HIVEP3: variants seen among roughly 807,000 people sequenced by gnomAD.
HIVEP3 encodes the protein HIVEP zinc finger 3, also known as transcription factor HIVEP3.
HIVEP3 carries 49 observed loss-of-function variants against 152.8 expected under a neutral mutation model. That is an observed-to-expected ratio of 0.32 (90% CI 0.26 to 0.41). The LOEUF (loss-of-function observed/expected upper bound fraction) is 0.41. Among genes scored for constraint, HIVEP3 ranks in the 10% least tolerant of loss-of-function variants. HIVEP3 has a pLI of 1.00. For missense variants in HIVEP3, 2,790 were observed against 3,103.3 expected (o/e 0.90, Z 2.40); for synonymous variants, 1,269 against 1,289.0 (o/e 0.98, Z 0.33).
intron 1 of HIVEP3, among the ~76,000 whole-genome samples, chr1:41,944,553 AC>A (rs1456301793): frequency 1.3e-5 from 2 of 152,144 alleles, no homozygotes; most frequent in East Asian, 1.9e-4. Context: ...ATACTCAGGA[AC>A]CCAGCCCAGC....
chr1:41,736,411 C>T (rs889671173), intron 1 of HIVEP3, among the ~76,000 whole-genome samples: 8 of 152,140 alleles, frequency 5.3e-5, no homozygotes, highest in African/African-American at 1.9e-4. Flanking sequence ...AAGGGTGGGT[C>T]CTGGGGCCCT....
chr1:41,513,902 G>A (rs558589361), intron 7 of HIVEP3, 152 bp from the exon 8 acceptor site: 44 of 585,990 alleles, frequency 7.5e-5, no homozygotes, highest in Non-Finnish European at 1.1e-4. Context: ...ACCAAGAAAC[G>A]TAACAGATAT....
intron 1 of HIVEP3, among the ~76,000 whole-genome samples, chr1:41,906,037 C>T (rs1200532391): frequency 1.3e-5 from 2 of 152,100 alleles, no homozygotes; most frequent in Non-Finnish European, 2.9e-5. Context: ...TGGCCAGGCG[C>T]GGTGGCTCAC....
At chr1:41,824,820 AAGAG>A (rs1209141189) in intron 1 of HIVEP3, among the ~76,000 whole-genome samples, 8 of 9,732 alleles carry the variant, frequency 8.2e-4, no homozygotes, top group Non-Finnish European at 6.5e-4. Flanking sequence ...GAGAGAGAGA[AAGAG>A]AGAGAGAGAG....
At chr1:41,871,407 T>TA (rs5773753) in intron 1 of HIVEP3, among the ~76,000 whole-genome samples, 116 of 148,068 alleles carry the variant, frequency 7.8e-4, no homozygotes, top group African/African-American at 1.9e-3. Flanking sequence ...CATTTAAAGC[T>TA]AAAAAAAAAA....
intron 2 of HIVEP3, among the ~76,000 whole-genome samples, chr1:41,644,693 C>CTTTTTTTTTTT (rs60511656): frequency 6.7e-5 from 5 of 74,726 alleles, no homozygotes; most frequent in Non-Finnish European, 9.7e-5. Flanking sequence ...CATATCTGTT[C>CTTTTTTTTTTT]TTTTTTTTTT....
At chr1:41,717,391 A>T (rs1646611291) in intron 1 of HIVEP3, among the ~76,000 whole-genome samples, 1 of 152,270 alleles carries the variant, frequency 6.6e-6, no homozygotes, top group South Asian at 2.1e-4. Context: ...TCAAACAAAG[A>T]AATGTTGTCA....
intron 5 of HIVEP3, among the ~76,000 whole-genome samples, chr1:41,527,458 CT>C (rs1267359719): frequency 8.4e-6 from 1 of 119,218 alleles, no homozygotes; most frequent in African/African-American, 3.2e-5. Flanking sequence ...CCTCACACCC[CT>C]GTCCTCACAC....
At position 41,889,723 on chromosome 1, in the gene HIVEP3, C is replaced by T. The variant is rs868546397; in HGVS notation, c.-801+28690G>A. Among the ~76,000 whole-genome samples the T allele has an allele frequency of 2.0e-5, 3 of 152,106 alleles. No homozygotes were observed. In the South Asian group the frequency reaches 6.2e-4, roughly 32 times the overall value. On this transcript the variant is annotated intron_variant, in intron 1 of 8. Transcript: ENST00000372583. ...GTGGGGAATGAGGGCACCCATTGTC[C>T]CCTGCAGAGCAGTTGTGGATGGAGC...
intron 1 of HIVEP3, among the ~76,000 whole-genome samples, chr1:41,771,289 C>A (rs12134879): frequency 4.6e-5 from 7 of 151,930 alleles, no homozygotes; most frequent in Non-Finnish European, 2.9e-5. Flanking sequence ...CACCTCCCCC[C>A]ACCCCCAAAA....
intron 1 of HIVEP3, among the ~76,000 whole-genome samples, chr1:42,013,330 T>G (rs149358949): frequency 1.3e-5 from 2 of 152,216 alleles, no homozygotes; most frequent in Non-Finnish European, 2.9e-5. Context: ...TCTGAGATAC[T>G]AGAAGTTAAG....
intron 1 of HIVEP3, among the ~76,000 whole-genome samples, chr1:41,993,692 C>T (rs1487224894): frequency 6.6e-6 from 1 of 151,700 alleles, no homozygotes. Flanking sequence ...TATAAAGACA[C>T]ATGCACACAT....
chr1:41,765,887 C>T (rs374274983), intron 1 of HIVEP3, among the ~76,000 whole-genome samples: 4 of 152,316 alleles, frequency 2.6e-5, no homozygotes, highest in Middle Eastern at 3.4e-3. Flanking sequence ...CCTCTCTTTG[C>T]GGGGAGCACC....
intron 1 of HIVEP3, among the ~76,000 whole-genome samples, chr1:41,890,560 G>T (rs1644430318): frequency 6.6e-6 from 1 of 152,208 alleles, no homozygotes; most frequent in Non-Finnish European, 1.5e-5. Flanking sequence ...AATGATCCAT[G>T]GCCCTTTTTA....
chr1:41,595,254 A>G (rs935941125), intron 3 of HIVEP3, among the ~76,000 whole-genome samples: 3 of 152,206 alleles, frequency 2.0e-5, no homozygotes, highest in Non-Finnish European at 2.9e-5. Flanking sequence ...TTCATTGTGG[A>G]AAGAGAAATC....
At chr1:42,003,549 G>A (rs750320517) in intron 1 of HIVEP3, among the ~76,000 whole-genome samples, 7 of 152,160 alleles carry the variant, frequency 4.6e-5, no homozygotes, top group South Asian at 2.1e-4. Flanking sequence ...GAACAGTGGC[G>A]ACAGAAGACA....
intron 1 of HIVEP3, among the ~76,000 whole-genome samples, chr1:41,711,676 C>T (rs2036962): frequency 0.19 from 28,236 of 152,196 alleles, 6,639 homozygotes; most frequent in African/African-American, 0.55. Flanking sequence ...TTTATGCCTT[C>T]TCCTCGTCCT....
intron 1 of HIVEP3, among the ~76,000 whole-genome samples, chr1:42,019,497 A>G (rs1223223533): frequency 4.0e-5 from 6 of 148,206 alleles, no homozygotes; most frequent in African/African-American, 2.5e-5. Flanking sequence ...TTCTGAGGCT[A>G]TTGTAAATGG....
intron 5 of HIVEP3, among the ~76,000 whole-genome samples, chr1:41,527,473 CCTT>C (rs200722677): frequency 4.2e-3 from 572 of 135,930 alleles, no homozygotes; most frequent in Non-Finnish European, 7.4e-3. Context: ...CTCACACTCA[CCTT>C]CATACTCACA....
Sources: allele counts gnomAD v4.1 joint callset (sites outside exome capture counted in the v4.1 genomes callset), GRCh38; gene constraint gnomAD v4.1.1; transcripts MANE v1.5; gene names NCBI Gene and HGNC (gene_info 2026-07-23, HGNC 2026-07-21).